SGCZ: variants seen among roughly 807,000 people sequenced by gnomAD.
SGCZ encodes the protein sarcoglycan zeta, also known as zeta-sarcoglycan.
SGCZ carries 40 observed loss-of-function variants against 41.3 expected under a neutral mutation model. The ratio of observed to expected loss-of-function variants is 0.97; its 90% CI spans 0.75 to 1.26. The LOEUF (loss-of-function observed/expected upper bound fraction) is 1.26, where lower values mean the gene tolerates loss of function less well. Ranked by LOEUF, SGCZ falls within the 50% of genes most tolerant of loss-of-function variation. SGCZ has a pLI of 0.00. For missense variants in SGCZ, 552 were observed against 369.8 expected (o/e 1.49, Z -4.04); for synonymous variants, 206 against 137.5 (o/e 1.50, Z -3.49).
At chr8:14,734,684 T>C (rs1414872653) in intron 1 of SGCZ, among the ~76,000 whole-genome samples, 1 of 152,148 alleles carries the variant, frequency 6.6e-6, no homozygotes, top group Non-Finnish European at 1.5e-5. Context: ...CACCACCCTC[T>C]CCAAGCTTCC....
At chr8:15,065,345 C>T (rs1451376809) in intron 1 of SGCZ, among the ~76,000 whole-genome samples, 3 of 151,810 alleles carry the variant, frequency 2.0e-5, no homozygotes, top group Admixed American at 2.0e-4. Flanking sequence ...TCCTCTGACC[C>T]AGGAGGCCTA....
intron 4 of SGCZ, among the ~76,000 whole-genome samples, chr8:14,231,280 A>C (rs192889628): frequency 1.4e-3 from 209 of 151,798 alleles, no homozygotes; most frequent in African/African-American, 4.8e-3. Flanking sequence ...AGAGACAGAG[A>C]GAGAGAGTGT....
At chr8:15,208,922 GA>G (rs1343899894) in intron 1 of SGCZ, among the ~76,000 whole-genome samples, 1 of 151,446 alleles carries the variant, frequency 6.6e-6, no homozygotes, top group Non-Finnish European at 1.5e-5. Flanking sequence ...GAGAGAGAGA[GA>G]ATTGTTCCTA....
intron 1 of SGCZ, among the ~76,000 whole-genome samples, chr8:15,048,986 C>G (rs1804414814): frequency 1.3e-5 from 2 of 152,062 alleles, no homozygotes; most frequent in South Asian, 4.1e-4. Flanking sequence ...AATTTAGAGT[C>G]ATAGTTTTCT....
intron 1 of SGCZ, among the ~76,000 whole-genome samples, chr8:15,038,859 G>C (rs796846413): frequency 7.0e-6 from 1 of 143,536 alleles, no homozygotes; most frequent in Non-Finnish European, 1.5e-5. Context: ...AAAGAAAACA[G>C]GCCAAAAGAT....
chr8:14,818,734 A>T (rs1421371332), intron 1 of SGCZ, among the ~76,000 whole-genome samples: 4 of 152,124 alleles, frequency 2.6e-5, no homozygotes, highest in Non-Finnish European at 4.4e-5. Context: ...AAAGAGAAAG[A>T]TGTAATTAAA....
intron 4 of SGCZ, among the ~76,000 whole-genome samples, chr8:14,189,917 T>C (rs1434743911): frequency 6.6e-6 from 1 of 152,134 alleles, no homozygotes; most frequent in African/African-American, 2.4e-5. Flanking sequence ...TGATAGAAAA[T>C]TTGTTTATTT....
intron 2 of SGCZ, among the ~76,000 whole-genome samples, chr8:14,434,866 CT>C (rs1480657357): frequency 6.6e-6 from 1 of 152,084 alleles, no homozygotes; most frequent in Admixed American, 6.5e-5. Flanking sequence ...GAGGTCAAGG[CT>C]ACATGTAGTG....
chr8:14,605,651 T>C (rs1360202638), intron 1 of SGCZ, among the ~76,000 whole-genome samples: 13 of 152,198 alleles, frequency 8.5e-5, no homozygotes. Context: ...TGGTACATTC[T>C]AGAATTTCAC....
intron 1 of SGCZ, among the ~76,000 whole-genome samples, chr8:14,650,268 C>CA (rs1807354806): frequency 6.6e-6 from 1 of 152,064 alleles, no homozygotes; most frequent in Non-Finnish European, 1.5e-5. Context: ...CCTGACTCCC[C>CA]ACTCTTCATC....
intron 1 of SGCZ, among the ~76,000 whole-genome samples, chr8:14,975,960 A>ATATGTGTGTGCGTGTGTG: frequency 6.8e-6 from 1 of 146,228 alleles, no homozygotes; most frequent in South Asian, 2.1e-4. Context: ...ATAAACATAT[A>ATATGTGTGTGCGTGTGTG]TATGTGTGTG....
In SGCZ at chr8:14,417,054, A is replaced by G. The variant is rs747245364; in HGVS notation, c.235-92850T>C. On this transcript the variant is annotated intron_variant, in intron 2 of 7. Coordinates refer to ENST00000382080, the MANE Select transcript of SGCZ (RefSeq NM_139167.4). ...AGCAGGCTCTTTGAAATACCTAAAG[A>G]AGAAAATAAGGCCGGGCAAGACATA... Among the ~76,000 whole-genome samples, 6 of 151,924 alleles carry G rather than the reference A, an allele frequency of 3.9e-5. No homozygotes were observed. The South Asian group carries it at 1.2e-3, about 31-fold the overall frequency.
chr8:14,821,216 C>G, intron 1 of SGCZ, among the ~76,000 whole-genome samples: 1 of 151,982 alleles, frequency 6.6e-6, no homozygotes, highest in East Asian at 1.9e-4. Flanking sequence ...TTTGATAGCA[C>G]AGAAGAATCA....
chr8:14,586,449 G>A lies in SGCZ; in HGVS notation c.40-31523C>T, dbSNP rs1157595175. Among the ~76,000 whole-genome samples the A allele has an allele frequency of 2.0e-5, 3 of 152,142 alleles. No individual in the cohort carries two copies. In the East Asian group the frequency reaches 5.8e-4, roughly 29 times the overall value. Reference sequence around the variant, plus strand: ...GGCTGGTCTTGACTCTTGGGCTCAAGCAATCTGCCCGCCTAGGCTTTCCAA... The same window carrying A: ...GGCTGGTCTTGACTCTTGGGCTCAAACAATCTGCCCGCCTAGGCTTTCCAA... On this transcript the variant is annotated intron_variant, in intron 1 of 7. Coordinates refer to ENST00000382080, the MANE Select transcript of SGCZ (RefSeq NM_139167.4).
intron 1 of SGCZ, among the ~76,000 whole-genome samples, chr8:14,972,684 C>G (rs151112783): frequency 2.0e-5 from 3 of 152,250 alleles, no homozygotes; most frequent in East Asian, 3.9e-4. Context: ...AGAGGCTGCT[C>G]TAAAGTTTAT....
intron 3 of SGCZ, among the ~76,000 whole-genome samples, chr8:14,278,386 A>G (rs984391212): frequency 6.6e-6 from 1 of 152,114 alleles, no homozygotes; most frequent in African/African-American, 2.4e-5. Context: ...TAGTCACAAC[A>G]TCCATGTGTT....
At chr8:14,163,054 T>C (rs1336620442) in intron 5 of SGCZ, among the ~76,000 whole-genome samples, 2 of 152,050 alleles carry the variant, frequency 1.3e-5, no homozygotes, top group African/African-American at 4.8e-5. Flanking sequence ...AAAATTTTGG[T>C]AGACACAAGG....
intron 1 of SGCZ, among the ~76,000 whole-genome samples, chr8:14,651,026 T>C (rs1281628198): frequency 1.3e-5 from 2 of 152,044 alleles, no homozygotes; most frequent in Non-Finnish European, 2.9e-5. Context: ...ACTTATCTAG[T>C]AGTTGTAATC....
chr8:14,966,949 T>C (rs1801144850), intron 1 of SGCZ, among the ~76,000 whole-genome samples: 1 of 152,112 alleles, frequency 6.6e-6, no homozygotes, highest in African/African-American at 2.4e-5. Flanking sequence ...ATAAACCAAT[T>C]CTCATTCACC....
Sources: gnomAD v4.1 joint callset for allele counts (sites outside exome capture counted in the v4.1 genomes callset) on GRCh38, gnomAD v4.1.1 for gene constraint, MANE v1.5 for transcripts, NCBI Gene and HGNC (gene_info 2026-07-23, HGNC 2026-07-21) for gene names.